The following CD48 variants were observed in gnomAD, a reference collection of about 807,000 sequenced individuals.
CD48 encodes CD48 molecule, also known as CD48 antigen.
In CD48, 20 loss-of-function variants were observed where a neutral mutation model predicts 22.0. The ratio of observed to expected loss-of-function variants is 0.91; its 90% CI spans 0.64 to 1.32. The LOEUF is 1.32. Ranked by LOEUF, CD48 falls within the 40% of genes most tolerant of loss-of-function variation. The pLI is 0.00. For synonymous variants in CD48, 110 were observed against 110.1 expected (o/e 1.00, Z 0.01); for missense variants, 307 against 286.5 (o/e 1.07, Z -0.52).
chr1:160,682,365 G>T (rs1661840169), intron 2 of CD48, among the ~76,000 whole-genome samples: 1 of 151,052 alleles, frequency 6.6e-6, no homozygotes, highest in Non-Finnish European at 1.5e-5. Context: ...TCAGGAGGCT[G>T]AGGTAGGAGG....
chr1:160,698,955 T>C (rs1216171469), intron 1 of CD48: 1 of 152,562 alleles, frequency 6.6e-6, no homozygotes, highest in Non-Finnish European at 1.5e-5. Flanking sequence ...CTGTTGTTAG[T>C]CTGCAGGTGT....
At chr1:160,680,625 A>G (rs1661757497) in intron 3 of CD48, 2 of 1,008,638 alleles carry the variant, frequency 2.0e-6, no homozygotes, top group African/African-American at 1.7e-5. Context: ...TCCTCCCAGG[A>G]GACAGGGGAA....
At chr1:160,702,857 G>T (rs1389980480) in intron 1 of CD48, among the ~76,000 whole-genome samples, 1 of 152,094 alleles carries the variant, frequency 6.6e-6, no homozygotes, top group Non-Finnish European at 1.5e-5. Flanking sequence ...TACATTCATG[G>T]TTTGCATTTT....
intron 1 of CD48, among the ~76,000 whole-genome samples, chr1:160,705,782 A>G (rs149990547): frequency 9.2e-5 from 14 of 152,284 alleles, no homozygotes; most frequent in Admixed American, 2.0e-4. Flanking sequence ...TGGGCCACAT[A>G]ATTCTTTTTT....
chr1:160,689,416 G>A (rs1662111738), intron 1 of CD48, among the ~76,000 whole-genome samples: 1 of 152,154 alleles, frequency 6.6e-6, no homozygotes, highest in South Asian at 2.1e-4. Context: ...GTAAATCAGT[G>A]TGAGAGGAAA....
rs1332426926 is a variant in CD48, at chr1:160,685,128, G to T, written c.144C>A (p.Ser48Arg). The change falls in exon 2 of 4, where the codon AGC becomes AGA. Residue 48 changes from serine (S) to arginine (R), a missense_variant. Transcript: ENST00000368046. Reference sequence around the variant, plus strand: ...TTAGTTGTTTGTAGTTCTCAGGCAGGCTCTCAGAGATGTTCAGAGTCACGT... The same window carrying T: ...TTAGTTGTTTGTAGTTCTCAGGCAGTCTCTCAGAGATGTTCAGAGTCACGT... ...GSNVTLNISESLPENYKQLTW... is the reference protein window; with the variant it reads ...GSNVTLNISERLPENYKQLTW... The T allele has an allele frequency of 1.9e-6, 3 of 1,613,812 alleles. No homozygotes were observed. In the South Asian group the frequency reaches 3.3e-5, roughly 18 times the overall value.
In CD48 at chr1:160,681,263, T is replaced by G; in HGVS notation, c.591A>C (p.Gln197His). ...TCTTGCTGCTCACAGAATTGCTGACTTGGCAAGTATAACACCTGGAGTAAT... is the reference window on the plus strand; with the variant it reads ...TCTTGCTGCTCACAGAATTGCTGACGTGGCAAGTATAACACCTGGAGTAAT... ...PHNYSRCYTC[Q>H]VSNSVSSKNG... Residue 197 changes from glutamine to histidine, a missense_variant, in exon 3 of 4, where the codon CAA becomes CAC. Transcript: ENST00000368046. 6.2e-7 allele frequency: 1 copy of G among 1,614,244 alleles called. No homozygotes were observed. Among genetic ancestry groups the G allele is most frequent in the East Asian group, 2.2e-5 (1 of 44,892 alleles).
At chr1:160,681,578 G>C (rs983083870) in intron 2 of CD48, 110 bp from the exon 3 acceptor site, 1 of 1,358,386 alleles carries the variant, frequency 7.4e-7, no homozygotes, top group Non-Finnish European at 1.0e-6. Context: ...TGCCCCAGGA[G>C]GCAGAGTCAT....
At chr1:160,700,494 A>G (rs937983298) in intron 1 of CD48, among the ~76,000 whole-genome samples, 1 of 152,152 alleles carries the variant, frequency 6.6e-6, no homozygotes, top group South Asian at 2.1e-4. Context: ...ACTCCACTAA[A>G]TCATTATGTT....
At chr1:160,681,803 T>A (rs1661815774) in intron 2 of CD48, among the ~76,000 whole-genome samples, 1 of 152,150 alleles carries the variant, frequency 6.6e-6, no homozygotes, top group Non-Finnish European at 1.5e-5. Context: ...ACTTAGTATA[T>A]CAACTGCCTG....
intron 3 of CD48, 164 bp downstream of exon 3, chr1:160,681,038 G>A: frequency 1.3e-6 from 2 of 1,484,976 alleles, no homozygotes; most frequent in South Asian, 1.3e-5. Flanking sequence ...CTGGGAGGTG[G>A]TGGTAGAGCT....
chr1:160,711,553 T>C, intron 1 of CD48, 129 bp downstream of exon 1: 1 of 685,150 alleles, frequency 1.5e-6, no homozygotes, highest in Non-Finnish European at 2.6e-6. Context: ...GGCCATGCTA[T>C]TGGAATGGAA....
intron 1 of CD48, among the ~76,000 whole-genome samples, chr1:160,702,079 C>A (rs1183412048): frequency 1.3e-5 from 2 of 152,090 alleles, no homozygotes; most frequent in African/African-American, 4.8e-5. Context: ...GGAAACTTGG[C>A]AGACACAATT....
At chr1:160,689,928 G>A (rs997703041) in intron 1 of CD48, among the ~76,000 whole-genome samples, 2 of 152,186 alleles carry the variant, frequency 1.3e-5, no homozygotes, top group African/African-American at 2.4e-5. Context: ...TTTTTTGCCT[G>A]TATAATGGCG....
intron 1 of CD48, among the ~76,000 whole-genome samples, chr1:160,701,122 T>C (rs2102431505): frequency 6.6e-6 from 1 of 151,792 alleles, no homozygotes; most frequent in East Asian, 1.9e-4. Flanking sequence ...TGATTATTGA[T>C]AGATGGTACA....
In CD48 at chr1:160,701,425, C is replaced by T. The variant is rs375199524; in HGVS notation, c.82+10257G>A. 7.0e-4 allele frequency among the ~76,000 whole-genome samples: 106 copies of T among 151,942 alleles called. No individual in the cohort carries two copies. In the Middle Eastern group the frequency reaches 0.014, roughly 20 times the overall value. On this transcript the variant is annotated intron_variant, in intron 1 of 3. Transcript: ENST00000368046. Reference sequence around the variant, plus strand: ...AAGCCTCCAGTTTTTCTTTAGAAAGCGGCCACTGCTGAACCTAAACGGGAG... The same window carrying T: ...AAGCCTCCAGTTTTTCTTTAGAAAGTGGCCACTGCTGAACCTAAACGGGAG...
chr1:160,681,469 C>A lies in CD48; in HGVS notation c.386-1G>T. ...TTGATGACAGGCTTGGGTACAGGGT[C>A]TGAAAGTGAGGAGGATGTTATAAGA... On this transcript the variant is annotated splice_acceptor_variant, in intron 2 of 3. Coordinates refer to ENST00000368046, the MANE Select transcript of CD48 (RefSeq NM_001778.4). LOFTEE classifies it high-confidence loss of function. 1.9e-6 allele frequency: 3 copies of A among 1,613,172 alleles called. No homozygotes were observed. The South Asian group carries it at 3.3e-5, about 18-fold the overall frequency.
At chr1:160,710,643 C>A (rs1024828082) in intron 1 of CD48, among the ~76,000 whole-genome samples, 2 of 152,156 alleles carry the variant, frequency 1.3e-5, no homozygotes, top group Admixed American at 6.5e-5. Flanking sequence ...TTCACATCAG[C>A]CCCCAATCCC....
chr1:160,701,754 G>A (rs1176855562), intron 1 of CD48, among the ~76,000 whole-genome samples: 1 of 152,148 alleles, frequency 6.6e-6, no homozygotes, highest in African/African-American at 2.4e-5. Flanking sequence ...CAAGATAAAT[G>A]TGCTCTGATA....
Sources: gnomAD v4.1 joint callset for allele counts (sites outside exome capture counted in the v4.1 genomes callset) on GRCh38, gnomAD v4.1.1 for gene constraint, MANE v1.5 for transcripts, NCBI Gene and HGNC (gene_info 2026-07-23, HGNC 2026-07-21) for gene names.